SZT2: variants seen among roughly 807,000 people sequenced by gnomAD.
SZT2 encodes the protein KICSTOR complex protein SZT2.
A neutral mutation model predicts 404.2 loss-of-function variants in SZT2; 216 were observed. The observed-to-expected ratio is 0.53, with a 90% CI of 0.48 to 0.60. SZT2 has a LOEUF of 0.60. Among genes scored for constraint, SZT2 ranks in the 20% least tolerant of loss-of-function variants. The pLI, the probability that SZT2 is intolerant of heterozygous loss-of-function variation, is 0.00. For synonymous variants in SZT2, 1,693 were observed against 1,749.9 expected, an observed-to-expected ratio of 0.97 and a Z score of 0.81; for missense variants, 3,857 against 4,459.2, an observed-to-expected ratio of 0.86 and a Z score of 3.85.
Position 43,391,028 on chromosome 1 carries a change from CAAAG to C in SZT2, c.27+1034_27+1037del, listed in dbSNP as rs373422114. Reference sequence around the variant, plus strand: ...TGAGGCACAGAGATATTAAGAGTAACAAAGTAAGCCGGGCGCAGTGGCTTACACC... The same window carrying C: ...TGAGGCACAGAGATATTAAGAGTAACTAAGCCGGGCGCAGTGGCTTACACC... On this transcript the variant is annotated intron_variant, in intron 1 of 71. Transcript: ENST00000634258. Among the ~76,000 whole-genome samples the C allele has an allele frequency of 2.1e-3, 317 of 152,226 alleles. 1 individual carries two copies. Among genetic ancestry groups the C allele is most frequent in the African/African-American group, 7.0e-3 (292 of 41,540 alleles).
chr1:43,443,420 C>G lies in SZT2; in HGVS notation c.8568C>G (p.Phe2856Leu). 6.2e-7 allele frequency: 1 copy of G among 1,614,202 alleles called. No individual in the cohort carries two copies. Among genetic ancestry groups the G allele is most frequent in the East Asian group, 2.2e-5 (1 of 44,874 alleles). Residue 2856 changes from phenylalanine (F) to leucine (L), a missense_variant, in exon 61 of 72, where the codon TTC becomes TTG. Phe to Leu is a conservative substitution (Grantham distance 22, BLOSUM62 0). Transcript: ENST00000634258. ...ATTACTGTGCAACAGCCATGCTCTT[C>G]GACCCAGCTGCCTGGCTGCATGGGC... is the stretch of plus-strand genomic sequence containing the variant. ...LVHYCATAML[F>L]DPAAWLHGPP...
At chr1:43,402,463 T>G (rs1290644022) in intron 1 of SZT2, among the ~76,000 whole-genome samples, 3 of 152,224 alleles carry the variant, frequency 2.0e-5, no homozygotes, top group Non-Finnish European at 4.4e-5. Flanking sequence ...GTGACAAGTT[T>G]CTTTCTGTCC....
Position 43,448,298 on chromosome 1 carries a change from G to C in SZT2, c.9783G>C (p.Arg3261=). The C allele has an allele frequency of 6.4e-7, 1 of 1,555,666 alleles. No homozygotes were observed. The highest frequency in any genetic ancestry group is 8.7e-7 in the Non-Finnish European group (1 of 1,149,940). Residue 3261 remains arginine, a synonymous_variant, in exon 69 of 72, where the codon CGG becomes CGC. Transcript: ENST00000634258. The surrounding 1 kb of genome is among the most constrained non-coding windows in gnomAD (Gnocchi z 4.2). ...LAAEVGMARA[R]LAQLVRLAGG... ...CAGAGGTGGGCATGGCACGAGCACG[G>C]CTGGCTCAGCTGGTGCGGCTGGCTG...
rs1655013791 is a variant in SZT2 at position 43,441,115 on chromosome 1, A to G, written c.7345-99A>G. On this transcript the variant is annotated intron_variant, in intron 52 of 71. Transcript: ENST00000634258. The surrounding 1 kb of genome is among the most constrained non-coding windows in gnomAD (Gnocchi z 4.8). ...TGGGGAAGCCAGGGTCTGAACCCAG[A>G]CCTCTGAATCCTCCTAGCTCACTGC... 6.8e-7 allele frequency: 1 copy of G among 1,463,550 alleles called. No individual in the cohort carries two copies. Among genetic ancestry groups the G allele is most frequent in the African/African-American group, 1.4e-5 (1 of 71,270 alleles). 90.7% of individuals were successfully genotyped at this position (1,463,550 alleles called of 1,614,324 possible).
rs759566997 is a variant in SZT2, at chr1:43,439,778, G to A, written c.7042+9G>A. ...TGTGGACAGTTCTTCAGGTGGGACA[G>A]CTTGGTCAGAGGATGAGGTGTTCAG... is the stretch of plus-strand genomic sequence containing the variant. On this transcript the variant is annotated intron_variant, in intron 50 of 71. Transcript: ENST00000634258. The surrounding 1 kb of genome is among the most constrained non-coding windows in gnomAD (Gnocchi z 4.2). The A allele has an allele frequency of 6.3e-7, 1 of 1,578,586 alleles. No homozygotes were observed. The highest frequency in any genetic ancestry group is 8.6e-7 in the Non-Finnish European group (1 of 1,160,728).
chr1:43,400,710 A>G (rs1649577013), intron 1 of SZT2, among the ~76,000 whole-genome samples: 2 of 152,116 alleles, frequency 1.3e-5, no homozygotes, highest in Admixed American at 1.3e-4. Context: ...AGTCTCTACT[A>G]AAAATACAAA....
In SZT2 at chr1:43,432,027, A is replaced by G. The variant is rs1289801497; in HGVS notation, c.5274+126A>G. On this transcript the variant is annotated intron_variant, in intron 36 of 71. Transcript: ENST00000634258. Reference sequence around the variant, plus strand: ...AGTTATCCCTCCTGTCTCCCTGCTCACCACATCATCTGCCCTAACCCCTGT... The same window carrying G: ...AGTTATCCCTCCTGTCTCCCTGCTCGCCACATCATCTGCCCTAACCCCTGT... The G allele has an allele frequency of 3.1e-6, 4 of 1,271,798 alleles. No individual in the cohort carries two copies. The East Asian group carries it at 9.4e-5, about 30-fold the overall frequency. The allele number at this position is 1,271,798 out of a possible 1,614,324, so 78.8% of individuals were successfully genotyped here. A position where few individuals can be genotyped will look rare whatever the true frequency, so the allele number is the denominator to read the frequency against.
At position 43,430,334 on chromosome 1, in the gene SZT2, A is replaced by T. The variant is rs2153933827; in HGVS notation, c.4425A>T (p.Val1475=). The change falls in exon 31 of 72, where the codon GTA becomes GTT. Residue 1475 remains valine, a synonymous_variant. Transcript: ENST00000634258. ...AGGATGAGGGGCCTCGGGACACAGT[A>T]GACAGAAAAATCAGTGACCTGGAGT... ...RREDEGPRDT[V]DRKISDLEFS... 5 of 1,612,544 alleles carry T rather than the reference A, an allele frequency of 3.1e-6. No individual in the cohort carries two copies. Among genetic ancestry groups the T allele is most frequent in the Non-Finnish European group, 4.2e-6 (5 of 1,179,628 alleles).
Position 43,403,227 on chromosome 1 carries a change from C to T in SZT2, c.78C>T (p.Ile26=), listed in dbSNP as rs140579462. The T allele has an allele frequency of 4.1e-5, 66 of 1,614,044 alleles. No homozygotes were observed. The highest frequency in any genetic ancestry group is 1.1e-5 in the Non-Finnish European group (13 of 1,180,034). ...TGTTAATGAAAAAGGATTATCGAAT[C>T]TCCCGAAATGTTCGCCTGGCTTGGT... ...VFLLMKKDYR[I]SRNVRLAWFL... Residue 26 remains isoleucine (I), a synonymous_variant, in exon 2 of 72, where the codon ATC becomes ATT. Transcript: ENST00000634258.
chr1:43,425,561 G>A lies in SZT2; in HGVS notation c.2733G>A (p.Glu911=). ...ELNLVTEVWV[E]PQYGRVGPGP... ...ATCTGGTCACTGAGGTGTGGGTGGA[G>A]CCACAGTATGGGCGAGTGGGACCTG... The change falls in exon 19 of 72, where the codon GAG becomes GAA. Residue 911 remains glutamate (E), a synonymous_variant. Coordinates refer to ENST00000634258, the MANE Select transcript of SZT2 (RefSeq NM_001365999.1). This position sits in a 1 kb window ranked among gnomAD's most constrained non-coding sequence, Gnocchi z 4.3. 6.2e-7 allele frequency: 1 copy of A among 1,614,208 alleles called. No homozygotes were observed. The highest frequency in any genetic ancestry group is 8.5e-7 in the Non-Finnish European group (1 of 1,180,034).
chr1:43,427,256 C>T (rs1008260881), intron 24 of SZT2, 25 bp from the exon 25 acceptor site: 1 of 1,605,422 alleles, frequency 6.2e-7, no homozygotes, highest in Non-Finnish European at 8.5e-7. Flanking sequence ...CCAGGCAGCT[C>T]TGATTTATGT....
chr1:43,439,294 A>T lies in SZT2; in HGVS notation c.6793-64A>T. On this transcript the variant is annotated intron_variant, in intron 48 of 71. Coordinates refer to ENST00000634258, the MANE Select transcript of SZT2 (RefSeq NM_001365999.1). This position sits in a 1 kb window ranked among gnomAD's most constrained non-coding sequence, Gnocchi z 4.2. Reference sequence around the variant, plus strand: ...CTGCACCACATTCCCCACTGTGGGCACCCATCCCCGAGGGTTTTGTCCATT... The same window carrying T: ...CTGCACCACATTCCCCACTGTGGGCTCCCATCCCCGAGGGTTTTGTCCATT... 1.9e-6 allele frequency: 3 copies of T among 1,582,672 alleles called. No homozygotes were observed. Among genetic ancestry groups the T allele is most frequent in the Non-Finnish European group, 2.6e-6 (3 of 1,152,452 alleles).
chr1:43,441,071 A>G lies in SZT2; in HGVS notation c.7345-143A>G, dbSNP rs1052536691. On this transcript the variant is annotated intron_variant, in intron 52 of 71. Coordinates refer to ENST00000634258, the MANE Select transcript of SZT2 (RefSeq NM_001365999.1). This position sits in a 1 kb window ranked among gnomAD's most constrained non-coding sequence, Gnocchi z 4.8. ...TCAGGAAAGTTAGGTAACCTGCCCAAGGCTCCTTAGCCAGCCCCTGGGGAA... is the reference window on the plus strand; with the variant it reads ...TCAGGAAAGTTAGGTAACCTGCCCAGGGCTCCTTAGCCAGCCCCTGGGGAA... 64 of 1,030,038 alleles carry G rather than the reference A, an allele frequency of 6.2e-5. No individual in the cohort carries two copies. Among genetic ancestry groups the G allele is most frequent in the South Asian group, 1.1e-4 (7 of 62,762 alleles). The allele number at this position is 1,030,038 out of a possible 1,614,324, so 63.8% of individuals were successfully genotyped here.
chr1:43,390,443 A>G (rs1413625803), intron 1 of SZT2, among the ~76,000 whole-genome samples: 3 of 152,210 alleles, frequency 2.0e-5, no homozygotes, highest in Admixed American at 2.0e-4. Context: ...TTCATGAAAA[A>G]AACATTTGAG....
rs143016148 is a variant in SZT2 at position 43,424,008 on chromosome 1, G to T, written c.2256-209G>T. On this transcript the variant is annotated intron_variant, in intron 15 of 71. Coordinates refer to ENST00000634258, the MANE Select transcript of SZT2 (RefSeq NM_001365999.1). The surrounding 1 kb of genome is among the most constrained non-coding windows in gnomAD (Gnocchi z 4.1). ...AGGCATGGAAGGGCGTGGCTTAGCCGGGTATGAGTGGTACAGAGGTGTGGA... is the reference window on the plus strand; with the variant it reads ...AGGCATGGAAGGGCGTGGCTTAGCCTGGTATGAGTGGTACAGAGGTGTGGA... Among the ~76,000 whole-genome samples, 1,167 of 149,384 alleles carry T rather than the reference G, an allele frequency of 7.8e-3. 8 individuals carry two copies. Among genetic ancestry groups the T allele is most frequent in the African/African-American group, 0.027 (1,080 of 40,162 alleles).
At chr1:43,410,635 G>C (rs1180698536) in intron 4 of SZT2, 1 of 149,534 alleles carries the variant, frequency 6.7e-6, no homozygotes, top group Non-Finnish European at 1.5e-5. Context: ...TTGGAGAAAC[G>C]CTCCATGACA....
At position 43,451,180 on chromosome 1, in the gene SZT2, A is replaced by C; in HGVS notation, c.*700A>C. 1 of 1,462,006 alleles carries C rather than the reference A, an allele frequency of 6.8e-7. No homozygotes were observed. Among genetic ancestry groups the C allele is most frequent in the Non-Finnish European group, 9.6e-7 (1 of 1,041,562 alleles). The allele number at this position is 1,462,006 out of a possible 1,614,324, so 90.6% of individuals were successfully genotyped here. A position where few individuals can be genotyped will look rare whatever the true frequency, so the allele number is the denominator to read the frequency against. On this transcript the variant is annotated 3_prime_UTR_variant, in exon 72 of 72. Transcript: ENST00000634258. ...ATGTTCAGCAGGTCATCTTTAATGC[A>C]GAGGAGGAGATGGGATGTCACTCGC...
At chr1:43,400,872 CAA>C (rs745338229) in intron 1 of SZT2, among the ~76,000 whole-genome samples, 1 of 123,324 alleles carries the variant, frequency 8.1e-6, no homozygotes, top group Admixed American at 8.1e-5. Context: ...AACTCCGTCT[CAA>C]AAAAAAAAAA....
chr1:43,400,458 GC>G (rs1250669803), intron 1 of SZT2, among the ~76,000 whole-genome samples: 4 of 152,022 alleles, frequency 2.6e-5, no homozygotes, highest in African/African-American at 9.7e-5. Context: ...AGCTCACCAG[GC>G]CTTGGTTTGA....
Sources: gnomAD v4.1 joint callset for allele counts (sites outside exome capture counted in the v4.1 genomes callset) on GRCh38, gnomAD v4.1.1 for gene constraint, Gnocchi (gnomAD v3.1) non-coding constraint, MANE v1.5 for transcripts, NCBI Gene and HGNC (gene_info 2026-07-23, HGNC 2026-07-21) for gene names.